The following SCARA3 variants were observed in gnomAD, a reference collection of about 807,000 sequenced individuals.
SCARA3 encodes scavenger receptor class A member 3, also known as cellular stress response gene protein.
SCARA3 carries 39 observed loss-of-function variants against 47.0 expected under a neutral mutation model. The ratio of observed to expected loss-of-function variants is 0.83; its 90% CI spans 0.64 to 1.08. The LOEUF (loss-of-function observed/expected upper bound fraction) is 1.08, where lower values mean the gene tolerates loss of function less well. Among genes scored for constraint, SCARA3 ranks in the 50% least tolerant of loss-of-function variants. The pLI, the probability that SCARA3 is intolerant of heterozygous loss-of-function variation, is 0.00. For synonymous variants in SCARA3, 356 were observed against 334.1 expected, an observed-to-expected ratio of 1.07 and a Z score of -0.71; for missense variants, 724 against 792.3, an observed-to-expected ratio of 0.91 and a Z score of 1.04.
the SCARA3 span, among the ~76,000 whole-genome samples, chr8:27,685,593 G>A: frequency 6.6e-6 from 1 of 152,170 alleles, no homozygotes; most frequent in Non-Finnish European, 1.5e-5. Flanking sequence ...GGAACTTTTA[G>A]ATCTAATAAA....
rs370841528 is a variant in SCARA3, at chr8:27,671,069, T to G, written c.1539T>G (p.Val513=). Residue 513 remains valine (V), a synonymous_variant, in exon 6 of 6, where the codon GTT becomes GTG. Transcript: ENST00000301904. ...GGCCTGTGGGAGAAAGGGGCCCTGT[T>G]GGCCCTCGAGGGTTCCCAGGCCTCA... ...EAGPVGERGP[V]GPRGFPGLKG... 13 of 1,611,806 alleles carry G rather than the reference T, an allele frequency of 8.1e-6. No individual in the cohort carries two copies. The African/African-American group carries it at 1.5e-4, about 18-fold the overall frequency.
Position 27,634,046 on chromosome 8 carries a change from C to G in SCARA3, c.-155C>G, listed in dbSNP as rs1801192220. On this transcript the variant is annotated 5_prime_UTR_variant, in exon 1 of 6. Coordinates refer to ENST00000301904, the MANE Select transcript of SCARA3 (RefSeq NM_016240.3). ...CACTCCTCCCGCCGCCTCCGCAGCCCGCGCGCCGGAGCATGAGTCCCGGCC... is the reference window on the plus strand; with the variant it reads ...CACTCCTCCCGCCGCCTCCGCAGCCGGCGCGCCGGAGCATGAGTCCCGGCC... 1 of 516,466 alleles carries G rather than the reference C, an allele frequency of 1.9e-6. No homozygotes were observed. 32.0% of individuals were successfully genotyped at this position (516,466 alleles called of 1,614,324 possible). A position where few individuals can be genotyped will look rare whatever the true frequency, so the allele number is the denominator to read the frequency against.
At chr8:27,723,490 C>T in the SCARA3 span, among the ~76,000 whole-genome samples, 2 of 152,316 alleles carry the variant, frequency 1.3e-5, no homozygotes, top group East Asian at 3.9e-4. Flanking sequence ...TAATCTCACT[C>T]CGACTGCTGA....
intron 2 of SCARA3, 147 bp from the exon 3 acceptor site, chr8:27,651,361 A>G (rs1801627282): frequency 9.8e-6 from 9 of 916,474 alleles, no homozygotes; most frequent in Non-Finnish European, 1.4e-5. Flanking sequence ...GAGGTAGGAC[A>G]GGTAGAGAAT....
At chr8:27,644,611 G>A (rs1801452399) in intron 1 of SCARA3, among the ~76,000 whole-genome samples, 1 of 145,978 alleles carries the variant, frequency 6.9e-6, no homozygotes, top group Admixed American at 7.0e-5. Flanking sequence ...ACAAAATGAA[G>A]AAAAGAAGGG....
chr8:27,669,426 C>T (rs528613529), intron 5 of SCARA3, among the ~76,000 whole-genome samples: 25 of 152,340 alleles, frequency 1.6e-4, no homozygotes, highest in Admixed American at 1.4e-3. Flanking sequence ...GCAGGTCCTG[C>T]CAGGGTGGGG....
At chr8:27,692,433 AAAAC>A in the SCARA3 span, among the ~76,000 whole-genome samples, 1 of 151,728 alleles carries the variant, frequency 6.6e-6, no homozygotes, top group Non-Finnish European at 1.5e-5. Context: ...AAAAAAAAAA[AAAAC>A]AAAACTGATA....
the SCARA3 span, chr8:27,733,930 C>T: frequency 6.6e-6 from 1 of 152,168 alleles, no homozygotes; most frequent in Non-Finnish European, 1.5e-5. Context: ...CCGTCTAATC[C>T]TGCTGTGTGT....
the SCARA3 span, among the ~76,000 whole-genome samples, chr8:27,720,669 CA>C: frequency 6.7e-6 from 1 of 148,992 alleles, no homozygotes; most frequent in Non-Finnish European, 1.5e-5. Flanking sequence ...TCCAGCTATC[CA>C]TCCATCCATC....
chr8:27,637,978 C>G (rs1018394461), intron 1 of SCARA3, among the ~76,000 whole-genome samples: 2 of 152,076 alleles, frequency 1.3e-5, no homozygotes, highest in African/African-American at 4.8e-5. Context: ...AGCCACCAGA[C>G]AGCCTAACTG....
the SCARA3 span, among the ~76,000 whole-genome samples, chr8:27,689,250 C>T: frequency 6.6e-6 from 1 of 152,156 alleles, no homozygotes; most frequent in Admixed American, 6.5e-5. Flanking sequence ...GGTCTAAGGA[C>T]CCCCAGTTCC....
intron 1 of SCARA3, among the ~76,000 whole-genome samples, chr8:27,646,608 C>A (rs1462009568): frequency 1.3e-5 from 2 of 152,152 alleles, no homozygotes; most frequent in African/African-American, 2.4e-5. Flanking sequence ...GGAAGGAATA[C>A]CTCCCCACGG....
intron 5 of SCARA3, among the ~76,000 whole-genome samples, chr8:27,663,468 G>GGCCACATGTACT (rs1190588086): frequency 6.6e-6 from 1 of 152,188 alleles, no homozygotes; most frequent in African/African-American, 2.4e-5. Context: ...CGCCTGCTCA[G>GGCCACATGTACT]GCCAGATCAC....
chr8:27,651,723 T>G, intron 3 of SCARA3, 96 bp downstream of exon 3: 1 of 1,501,192 alleles, frequency 6.7e-7, no homozygotes, highest in Non-Finnish European at 9.0e-7. Context: ...ACTTGACATC[T>G]GTATCCCAGG....
chr8:27,680,149 T>C (rs1802336598), downstream of SCARA3, among the ~76,000 whole-genome samples: 1 of 152,110 alleles, frequency 6.6e-6, no homozygotes, highest in Non-Finnish European at 1.5e-5. Flanking sequence ...CTTACTGATA[T>C]ATGTTTTCAC....
At chr8:27,719,568 T>G in the SCARA3 span, among the ~76,000 whole-genome samples, 16 of 149,090 alleles carry the variant, frequency 1.1e-4, no homozygotes, top group African/African-American at 3.9e-4. Context: ...GAAGGTAAGG[T>G]CTAGGCTGTG....
chr8:27,652,833 G>A (rs935729348), intron 3 of SCARA3, among the ~76,000 whole-genome samples: 1 of 152,190 alleles, frequency 6.6e-6, no homozygotes, highest in African/African-American at 2.4e-5. Flanking sequence ...ACTAGTGCCA[G>A]AGTACCCCCT....
chr8:27,691,030 G>A, the SCARA3 span, among the ~76,000 whole-genome samples: 83 of 152,212 alleles, frequency 5.5e-4, no homozygotes, highest in Middle Eastern at 3.4e-3. Flanking sequence ...GAAAAGATCC[G>A]TAAAAGCCTG....
downstream of SCARA3, among the ~76,000 whole-genome samples, chr8:27,678,892 C>T (rs1802316857): frequency 6.6e-6 from 1 of 152,050 alleles, no homozygotes; most frequent in Non-Finnish European, 1.5e-5. Context: ...TTTTAATACT[C>T]AAAAATCAAT....
Sources: allele counts gnomAD v4.1 joint callset (sites outside exome capture counted in the v4.1 genomes callset), GRCh38; gene constraint gnomAD v4.1.1; transcripts MANE v1.5; gene names NCBI Gene and HGNC (gene_info 2026-07-23, HGNC 2026-07-21).